ELMO2: variants seen among roughly 807,000 people sequenced by gnomAD.
ELMO2 encodes engulfment and cell motility 2.
In ELMO2, 37 loss-of-function variants were observed where a neutral mutation model predicts 96.2. That is an observed-to-expected ratio of 0.38 (90% CI 0.30 to 0.51). The LOEUF is 0.51. ELMO2 is among the 20% of genes least tolerant of loss of function. ELMO2 has a pLI of 0.88. For missense variants in ELMO2, 561 were observed against 912.6 expected (o/e 0.61, Z 4.96); for synonymous variants, 315 against 329.4 (o/e 0.96, Z 0.47).
intron 1 of ELMO2, among the ~76,000 whole-genome samples, chr20:46,404,401 A>G (rs1015168823): frequency 1.3e-5 from 2 of 152,208 alleles, no homozygotes; most frequent in Non-Finnish European, 2.9e-5. Context: ...TGTACCCTCA[A>G]ACTTCCTTTG....
chr20:46,388,095 A>T (rs1169852700), intron 7 of ELMO2, among the ~76,000 whole-genome samples: 1 of 152,204 alleles, frequency 6.6e-6, no homozygotes, highest in Non-Finnish European at 1.5e-5. Context: ...TTAACAGATG[A>T]TATTCCTATT....
intron 9 of ELMO2, 26 bp from the exon 10 acceptor site, chr20:46,383,520 A>AGG: frequency 6.3e-7 from 1 of 1,597,512 alleles, no homozygotes. Flanking sequence ...AAGAAGAGAG[A>AGG]GGGAGATTAG....
chr20:46,379,000 C>CT (rs954969945), intron 11 of ELMO2, among the ~76,000 whole-genome samples: 3 of 151,042 alleles, frequency 2.0e-5, no homozygotes, highest in African/African-American at 4.9e-5. Flanking sequence ...AAGTTGCCTC[C>CT]TTTTTTTTTG....
rs1357364762 is a variant in ELMO2, at chr20:46,366,969, C to G, written c.*391G>C. ...CAACACACCTGTCCTCTGCAGGCAG[C>G]CTTTCCTGGGCCAGCTGTTGCTCAC... On this transcript the variant is annotated 3_prime_UTR_variant, in exon 22 of 22. Coordinates refer to ENST00000290246, the MANE Select transcript of ELMO2 (RefSeq NM_133171.5). 1.8e-5 allele frequency: 3 copies of G among 168,654 alleles called. No homozygotes were observed. Among genetic ancestry groups the G allele is most frequent in the African/African-American group, 7.1e-5 (3 of 42,006 alleles). 10.4% of individuals were successfully genotyped at this position (168,654 alleles called of 1,614,324 possible).
chr20:46,371,624 A>G lies in ELMO2; in HGVS notation c.1648T>C (p.Cys550Arg), dbSNP rs2059711422. 6.2e-7 allele frequency: 1 copy of G among 1,608,778 alleles called. No individual in the cohort carries two copies. ...LIKQQRLNRL[C>R]EGSSFRKIGN... ...ATCTTTCGGAAGCTGCTGCCCTCAC[A>G]GAGCCGGTTCAGGCGCTGCTGCTTG... Residue 550 changes from cysteine to arginine, a missense_variant, in exon 18 of 22, where the codon TGT becomes CGT. Physicochemically the swap from Cys to Arg is radical, Grantham distance 180. Transcript: ENST00000290246. The surrounding 1 kb of genome is among the most constrained non-coding windows in gnomAD (Gnocchi z 5.9).
At chr20:46,368,638 G>T (rs562193534) in intron 21 of ELMO2, among the ~76,000 whole-genome samples, 26 of 152,262 alleles carry the variant, frequency 1.7e-4, no homozygotes, top group African/African-American at 6.0e-4. Context: ...CACCCAATGC[G>T]CCTGGAGGAA....
At position 46,375,997 on chromosome 20, in the gene ELMO2, C is replaced by G. The variant is rs956809422; in HGVS notation, c.808-207G>C. 6.6e-6 allele frequency among the ~76,000 whole-genome samples: 1 copy of G among 152,210 alleles called. No individual in the cohort carries two copies. The highest frequency in any genetic ancestry group is 1.5e-5 in the Non-Finnish European group (1 of 68,038). ...TCACTGCAGGCCTGAAAGGCGCCAT[C>G]CCTTCCTCTGCATTCCCCTGGGCAG... is the stretch of plus-strand genomic sequence containing the variant. On this transcript the variant is annotated intron_variant, in intron 11 of 21. Coordinates refer to ENST00000290246, the MANE Select transcript of ELMO2 (RefSeq NM_133171.5). The surrounding 1 kb of genome is among the most constrained non-coding windows in gnomAD (Gnocchi z 4.6).
In ELMO2 at chr20:46,368,944, T is replaced by C; in HGVS notation, c.1909A>G (p.Ile637Val). The change falls in exon 21 of 22, where the codon ATC (isoleucine) becomes GTC (valine). Residue 637 changes from isoleucine (I) to valine (V), a missense_variant. Physicochemically the swap from Ile to Val is conservative, Grantham distance 29. Transcript: ENST00000290246. ...AAGGTCTCATCAGGGTCATACAGGA[T>C]GGAGAAGGCCAATTCCAACACCTCC... Reference protein sequence around the residue: ...NKEVLELAFSILYDPDETLNF... With the variant: ...NKEVLELAFSVLYDPDETLNF... The C allele has an allele frequency of 6.2e-7, 1 of 1,614,208 alleles. No individual in the cohort carries two copies. The highest frequency in any genetic ancestry group is 8.5e-7 in the Non-Finnish European group (1 of 1,180,024).
intron 11 of ELMO2, among the ~76,000 whole-genome samples, chr20:46,377,592 TTTAAA>T (rs2059885752): frequency 6.6e-6 from 1 of 152,224 alleles, no homozygotes; most frequent in Non-Finnish European, 1.5e-5. Flanking sequence ...AACAGACTTA[TTTAAA>T]GTACTACACA....
Position 46,368,791 on chromosome 20 carries a change from C to T in ELMO2, c.1962+100G>A, listed in dbSNP as rs1200863219. ...TCCTAGGCTTCAATATACACTGCAG[C>T]CACCCACCACAGGGGACTTTCCTGT... On this transcript the variant is annotated intron_variant, in intron 21 of 21. Coordinates refer to ENST00000290246, the MANE Select transcript of ELMO2 (RefSeq NM_133171.5). 14 of 1,266,934 alleles carry T rather than the reference C, an allele frequency of 1.1e-5. No homozygotes were observed. The East Asian group carries it at 3.0e-4, about 27-fold the overall frequency. 78.5% of individuals were successfully genotyped at this position (1,266,934 alleles called of 1,614,324 possible). A position where few individuals can be genotyped will look rare whatever the true frequency, so the allele number is the denominator to read the frequency against.
At chr20:46,385,464 C>T (rs2060024889) in intron 9 of ELMO2, among the ~76,000 whole-genome samples, 1 of 152,236 alleles carries the variant, frequency 6.6e-6, no homozygotes, top group Non-Finnish European at 1.5e-5. Context: ...TTTTTAAAAT[C>T]TCCTTTGATC....
intron 6 of ELMO2, among the ~76,000 whole-genome samples, chr20:46,392,458 T>C (rs1221412794): frequency 6.6e-6 from 1 of 152,254 alleles, no homozygotes; most frequent in East Asian, 1.9e-4. Flanking sequence ...ACCAACCTTC[T>C]TCTTAAGGCC....
chr20:46,371,348 C>T lies in ELMO2; in HGVS notation c.1801+4G>A. The T allele has an allele frequency of 6.2e-7, 1 of 1,613,742 alleles. No homozygotes were observed. The highest frequency in any genetic ancestry group is 8.5e-7 in the Non-Finnish European group (1 of 1,179,588). The stretch of plus-strand genomic sequence containing the variant: ...ATGACACATCAACAGAGAAATGAAC[C>T]TACTTTTCTCCTGCAGGGATTCAAA... On this transcript the variant is annotated splice_donor_region_variant and intron_variant, in intron 19 of 21. Transcript: ENST00000290246. The surrounding 1 kb of genome is among the most constrained non-coding windows in gnomAD (Gnocchi z 5.9).
intron 8 of ELMO2, 58 bp downstream of exon 8, chr20:46,387,280 A>T: frequency 1.4e-6 from 2 of 1,473,806 alleles, no homozygotes; most frequent in South Asian, 2.3e-5. Context: ...ATCTCCCCTT[A>T]AGCCTTGTGA....
chr20:46,383,285 G>C, intron 10 of ELMO2, 131 bp downstream of exon 10: 1 of 981,556 alleles, frequency 1.0e-6, no homozygotes, highest in South Asian at 1.4e-5. Context: ...CTGGGCTCCA[G>C]ACCAGACAGC....
intron 1 of ELMO2, among the ~76,000 whole-genome samples, chr20:46,405,741 G>A (rs1234824683): frequency 1.3e-5 from 2 of 152,112 alleles, no homozygotes; most frequent in Non-Finnish European, 2.9e-5. Flanking sequence ...AAAATTAGCT[G>A]GGCGTGGTGG....
chr20:46,379,061 C>T (rs1362061460), intron 11 of ELMO2, among the ~76,000 whole-genome samples: 7 of 151,968 alleles, frequency 4.6e-5, no homozygotes, highest in Non-Finnish European at 7.4e-5. Flanking sequence ...GGCCTGGTCT[C>T]GGCTCACTGC....
At chr20:46,403,312 T>G (rs996276256) in intron 1 of ELMO2, among the ~76,000 whole-genome samples, 1 of 152,248 alleles carries the variant, frequency 6.6e-6, no homozygotes, top group African/African-American at 2.4e-5. Flanking sequence ...TTGGAAAATG[T>G]TATGATCAGT....
rs1249536054 is a variant in ELMO2, at chr20:46,374,516, G to A, written c.1170+20C>T. The A allele has an allele frequency of 1.9e-6, 3 of 1,613,104 alleles. No individual in the cohort carries two copies. The highest frequency in any genetic ancestry group is 1.3e-5 in the African/African-American group (1 of 74,990). ...GAGATGTGGCACCAGGACTGAGAAGGCCAGCTCCCCTGCCTTTACCCGGAT... is the reference window on the plus strand; with the variant it reads ...GAGATGTGGCACCAGGACTGAGAAGACCAGCTCCCCTGCCTTTACCCGGAT... On this transcript the variant is annotated intron_variant, in intron 14 of 21. Transcript: ENST00000290246.
Sources: gnomAD v4.1 joint callset for allele counts (sites outside exome capture counted in the v4.1 genomes callset) on GRCh38, gnomAD v4.1.1 for gene constraint, Gnocchi (gnomAD v3.1) non-coding constraint, MANE v1.5 for transcripts, NCBI Gene and HGNC (gene_info 2026-07-23, HGNC 2026-07-21) for gene names.